ME3: variants seen among roughly 807,000 people sequenced by gnomAD.
ME3 encodes the protein NADP-dependent malic enzyme, mitochondrial.
ME3 carries 48 observed loss-of-function variants against 68.9 expected under a neutral mutation model. The ratio of observed to expected loss-of-function variants is 0.70; its 90% CI spans 0.55 to 0.89. The LOEUF (loss-of-function observed/expected upper bound fraction) is 0.89, where lower values mean the gene tolerates loss of function less well. Among genes scored for constraint, ME3 ranks in the 40% least tolerant of loss-of-function variants. The pLI is 0.00. For synonymous variants in ME3, 320 were observed against 318.8 expected (o/e 1.00, Z -0.04); for missense variants, 675 against 797.4 (o/e 0.85, Z 1.85).
At chr11:86,510,718 C>A (rs66872826) in intron 4 of ME3, among the ~76,000 whole-genome samples, 11 of 152,062 alleles carry the variant, frequency 7.2e-5, no homozygotes, top group African/African-American at 2.4e-4. Context: ...TATCTCCAGA[C>A]GTTGGCAAAT....
At chr11:86,655,541 C>T (rs570920884) in intron 2 of ME3, among the ~76,000 whole-genome samples, 1 of 151,974 alleles carries the variant, frequency 6.6e-6, no homozygotes, top group African/African-American at 2.4e-5. Context: ...AACTGGCTAG[C>T]CATATGTAGA....
At chr11:86,508,668 G>A (rs1953271476) in intron 5 of ME3, 124 bp downstream of exon 5, 4 of 843,138 alleles carry the variant, frequency 4.7e-6, no homozygotes, top group Admixed American at 2.1e-5. Flanking sequence ...TGTGGCTTAG[G>A]AATGGGAGGT....
At chr11:86,573,742 A>G (rs951937155) in intron 2 of ME3, among the ~76,000 whole-genome samples, 10 of 152,176 alleles carry the variant, frequency 6.6e-5, no homozygotes, top group Non-Finnish European at 1.5e-4. Context: ...GCTTTTGCCC[A>G]TTCAGTATGA....
chr11:86,562,902 T>C (rs1426801243), intron 2 of ME3, among the ~76,000 whole-genome samples: 1 of 152,102 alleles, frequency 6.6e-6, no homozygotes, highest in Admixed American at 6.6e-5. Flanking sequence ...AGCTCCCACT[T>C]ATAAGCGATA....
At chr11:86,612,091 T>C (rs1942624874) in intron 2 of ME3, among the ~76,000 whole-genome samples, 1 of 152,116 alleles carries the variant, frequency 6.6e-6, no homozygotes, top group Non-Finnish European at 1.5e-5. Flanking sequence ...CAGGACCTGG[T>C]GTGTGTTTTT....
intron 2 of ME3, among the ~76,000 whole-genome samples, chr11:86,579,787 A>G (rs990321498): frequency 6.6e-6 from 1 of 152,226 alleles, no homozygotes; most frequent in Non-Finnish European, 1.5e-5. Context: ...AACTGGTGAT[A>G]GTGACCTAAT....
intron 2 of ME3, among the ~76,000 whole-genome samples, chr11:86,576,128 C>G (rs1164755852): frequency 6.6e-6 from 1 of 152,180 alleles, no homozygotes; most frequent in Non-Finnish European, 1.5e-5. Context: ...CCACTAAGTA[C>G]TCAGTGAGTG....
rs1485950199 is a variant in ME3, at chr11:86,511,284, G to A, written c.468-2417C>T. 2.0e-5 allele frequency among the ~76,000 whole-genome samples: 3 copies of A among 152,146 alleles called. No homozygotes were observed. The South Asian group carries it at 6.2e-4, about 32-fold the overall frequency. On this transcript the variant is annotated intron_variant, in intron 4 of 14. Transcript: ENST00000543262. ...GAATAAAGACCAAAGTCCTCAACAC[G>A]CCTACAGAATCTTGTCTGGGTCTTG...
At chr11:86,612,125 A>AT (rs1942627330) in intron 2 of ME3, among the ~76,000 whole-genome samples, 1 of 151,844 alleles carries the variant, frequency 6.6e-6, no homozygotes, top group African/African-American at 2.4e-5. Context: ...ATGTGTTCTA[A>AT]TTTTTCAACT....
At chr11:86,457,271 G>C (rs906703180) in intron 8 of ME3, 1 of 157,250 alleles carries the variant, frequency 6.4e-6, no homozygotes. Flanking sequence ...CTCCTTTATA[G>C]GCAAACTCTT....
At chr11:86,574,185 C>G (rs1488970763) in intron 2 of ME3, among the ~76,000 whole-genome samples, 1 of 152,086 alleles carries the variant, frequency 6.6e-6, no homozygotes, top group Non-Finnish European at 1.5e-5. Context: ...TTGTTATTAC[C>G]CACCTTCTGA....
intron 4 of ME3, among the ~76,000 whole-genome samples, chr11:86,522,581 CTG>C (rs1954406290): frequency 6.6e-6 from 1 of 151,864 alleles, no homozygotes; most frequent in African/African-American, 2.4e-5. Flanking sequence ...CTCCCTGTGT[CTG>C]TGTGTTTTCA....
intron 3 of ME3, 117 bp downstream of exon 3, chr11:86,559,573 T>TC: frequency 7.8e-7 from 1 of 1,283,006 alleles, no homozygotes; most frequent in Non-Finnish European, 1.1e-6. Context: ...GTCTGGGATC[T>TC]CTTTGGGCTC....
chr11:86,550,023 A>T (rs560242749), intron 4 of ME3, among the ~76,000 whole-genome samples: 60 of 152,328 alleles, frequency 3.9e-4, no homozygotes, highest in African/African-American at 1.3e-3. Flanking sequence ...ATTTCAGGGA[A>T]CACTCAGGTC....
chr11:86,653,658 T>A (rs985767830), intron 2 of ME3, among the ~76,000 whole-genome samples: 1 of 152,090 alleles, frequency 6.6e-6, no homozygotes, highest in Non-Finnish European at 1.5e-5. Context: ...GATCTACAAT[T>A]GACACCCTAA....
intron 13 of ME3, 115 bp from the exon 14 acceptor site, chr11:86,443,034 G>T (rs1949091406): frequency 1.4e-6 from 1 of 700,440 alleles, no homozygotes; most frequent in Non-Finnish European, 2.4e-6. Flanking sequence ...AAACACTGCA[G>T]TTCCAACTGT....
intron 2 of ME3, among the ~76,000 whole-genome samples, chr11:86,642,380 A>G (rs1350439880): frequency 1.3e-5 from 2 of 152,230 alleles, no homozygotes; most frequent in East Asian, 3.8e-4. Flanking sequence ...AATGTCCACA[A>G]AATGACAAAA....
chr11:86,647,543 T>G (rs1594774554), intron 2 of ME3, among the ~76,000 whole-genome samples: 1 of 144,382 alleles, frequency 6.9e-6, no homozygotes, highest in Non-Finnish European at 1.5e-5. Flanking sequence ...AGGCTCAGAA[T>G]AAAGGGATGG....
At chr11:86,456,338 G>A (rs77542591) in intron 8 of ME3, among the ~76,000 whole-genome samples, 7 of 152,160 alleles carry the variant, frequency 4.6e-5, no homozygotes, top group East Asian at 1.9e-4. Flanking sequence ...CACTCTGGAT[G>A]GGTCTTTTTC....
Sources: allele counts gnomAD v4.1 joint callset (sites outside exome capture counted in the v4.1 genomes callset), GRCh38; gene constraint gnomAD v4.1.1; transcripts MANE v1.5; gene names NCBI Gene and HGNC (gene_info 2026-07-23, HGNC 2026-07-21).